Variants in EYS observed in about 807,000 individuals in gnomAD.
EYS encodes EGF-like photoreceptor maintenance factor, also known as protein eyes shut homolog.
Under a neutral mutation model 282.1 loss-of-function variants are expected in EYS, and 250 were observed. The observed-to-expected ratio is 0.89, with a 90% confidence interval of 0.80 to 0.98. The LOEUF (loss-of-function observed/expected upper bound fraction) is 0.98. Ranked by LOEUF, EYS falls within the 50% of genes least tolerant of loss-of-function variation. The pLI is 0.00. For missense variants in EYS, 4,016 were observed against 3,709.0 expected (o/e 1.08, Z -2.15); for synonymous variants, 1,355 against 1,282.9 (o/e 1.06, Z -1.20).
At chr6:63,848,928 C>T (rs1183079961) in intron 36 of EYS, among the ~76,000 whole-genome samples, 1 of 152,196 alleles carries the variant, frequency 6.6e-6, no homozygotes, top group Non-Finnish European at 1.5e-5. Flanking sequence ...AGCTAAGATC[C>T]ACTGGCTTGA....
chr6:65,289,398 A>T (rs1248873001), intron 12 of EYS, among the ~76,000 whole-genome samples: 1 of 150,990 alleles, frequency 6.6e-6, no homozygotes, highest in African/African-American at 2.4e-5. Flanking sequence ...ATTTAGCTAC[A>T]CTTTAAAACC....
At chr6:64,955,361 T>C (rs1324896382) in intron 14 of EYS, among the ~76,000 whole-genome samples, 5 of 152,080 alleles carry the variant, frequency 3.3e-5, no homozygotes, top group African/African-American at 1.2e-4. Context: ...TCCATATTCA[T>C]GGATTAGAAG....
chr6:63,852,182 A>AAAT (rs1562060373), intron 36 of EYS, among the ~76,000 whole-genome samples: 2 of 143,042 alleles, frequency 1.4e-5, no homozygotes, highest in African/African-American at 5.2e-5. Flanking sequence ...AAAAAAAAAA[A>AAAT]ATCAATGAAT....
At chr6:65,330,513 A>G (rs1769755711) in intron 11 of EYS, 1 of 984,186 alleles carries the variant, frequency 1.0e-6, no homozygotes, top group African/African-American at 1.8e-5. Context: ...ACCCCCAGAA[A>G]AATTTTTTGA....
At chr6:64,663,574 A>G (rs926443106) in intron 22 of EYS, among the ~76,000 whole-genome samples, 3 of 152,158 alleles carry the variant, frequency 2.0e-5, no homozygotes, top group Non-Finnish European at 4.4e-5. Flanking sequence ...ATGTATTACC[A>G]ATGTCCATAT....
chr6:65,495,251 A>T lies in EYS; in HGVS notation c.160T>A (p.Tyr54Asn), dbSNP rs1394979892. The change falls in exon 4 of 43, where the codon TAC becomes AAC. Residue 54 changes from tyrosine (Y) to asparagine (N), a missense_variant. Physicochemically the swap from Tyr to Asn is moderately radical, Grantham distance 143. Coordinates refer to ENST00000503581, the MANE Select transcript of EYS (RefSeq NM_001142800.2). ...TLTENICLDF[Y>N]RDCWFLGVNT... ...ACACCCAAAAACCAGCAATCTCTGT[A>T]GAAGTCCAAGCAGATGTTTTCTGTT... 1 of 1,614,176 alleles carries T rather than the reference A, an allele frequency of 6.2e-7. No individual in the cohort carries two copies.
intron 31 of EYS, among the ~76,000 whole-genome samples, chr6:64,088,082 T>A (rs1772220349): frequency 6.6e-6 from 1 of 152,074 alleles, no homozygotes; most frequent in Non-Finnish European, 1.5e-5. Context: ...AAACATTTGC[T>A]ATTGAATTGC....
intron 18 of EYS, among the ~76,000 whole-genome samples, chr6:64,891,662 G>C (rs1379051694): frequency 6.6e-6 from 1 of 152,030 alleles, no homozygotes; most frequent in Non-Finnish European, 1.5e-5. Flanking sequence ...AATAAGGCTA[G>C]AGAAAAATTA....
intron 40 of EYS, among the ~76,000 whole-genome samples, chr6:63,768,906 T>A (rs1274675559): frequency 1.3e-5 from 2 of 152,016 alleles, no homozygotes; most frequent in Non-Finnish European, 2.9e-5. Context: ...AAAAATGAAA[T>A]CATGTCCTTT....
chr6:65,447,358 ATAGT>A (rs1187447668), intron 5 of EYS, among the ~76,000 whole-genome samples: 14 of 140,686 alleles, frequency 1.0e-4, no homozygotes, highest in East Asian at 2.1e-4. Flanking sequence ...ATATATGTAT[ATAGT>A]TATATATATA....
intron 24 of EYS, among the ~76,000 whole-genome samples, chr6:64,594,092 TA>T (rs1766496244): frequency 6.6e-6 from 1 of 152,204 alleles, no homozygotes; most frequent in Non-Finnish European, 1.5e-5. Flanking sequence ...TGTTAAATAT[TA>T]CATCTAATTT....
At chr6:65,537,849 G>T (rs1768019207) in intron 2 of EYS, among the ~76,000 whole-genome samples, 1 of 152,200 alleles carries the variant, frequency 6.6e-6, no homozygotes, top group African/African-American at 2.4e-5. Context: ...TATGAAGACA[G>T]ATTGGACTTT....
intron 22 of EYS, among the ~76,000 whole-genome samples, chr6:64,804,281 T>A (rs1476697387): frequency 2.0e-5 from 3 of 152,242 alleles, no homozygotes; most frequent in Non-Finnish European, 4.4e-5. Context: ...TATTAAAGAT[T>A]AACTTTGATA....
chr6:65,107,314 G>A (rs1360583329), intron 12 of EYS, among the ~76,000 whole-genome samples: 2 of 142,484 alleles, frequency 1.4e-5, no homozygotes, highest in Non-Finnish European at 3.1e-5. Flanking sequence ...TTTTTTTAAT[G>A]TAAACACCTG....
At chr6:63,883,941 T>C (rs191173543) in intron 35 of EYS, among the ~76,000 whole-genome samples, 1 of 152,336 alleles carries the variant, frequency 6.6e-6, no homozygotes, top group East Asian at 1.9e-4. Flanking sequence ...ACTACTTCAT[T>C]ACGTAACTCT....
At chr6:63,964,518 G>T (rs1029298349) in intron 35 of EYS, among the ~76,000 whole-genome samples, 10 of 152,090 alleles carry the variant, frequency 6.6e-5, no homozygotes, top group African/African-American at 2.4e-4. Flanking sequence ...TTTCTGCCTT[G>T]TCTTTTGCCT....
intron 22 of EYS, among the ~76,000 whole-genome samples, chr6:64,643,247 T>C (rs1768235610): frequency 6.6e-6 from 1 of 152,210 alleles, no homozygotes; most frequent in Non-Finnish European, 1.5e-5. Context: ...AATTGGCATC[T>C]AAATTTAGAT....
chr6:64,266,806 G>T (rs977894172), intron 30 of EYS, among the ~76,000 whole-genome samples: 1 of 152,098 alleles, frequency 6.6e-6, no homozygotes, highest in Non-Finnish European at 1.5e-5. Context: ...CAGGCACTGG[G>T]GTGTTTGGTA....
At chr6:65,482,789 A>G (rs1406530148) in intron 5 of EYS, among the ~76,000 whole-genome samples, 1 of 152,176 alleles carries the variant, frequency 6.6e-6, no homozygotes, top group Non-Finnish European at 1.5e-5. Context: ...AACATCACTC[A>G]TCTTGGATTC....
Sources: allele counts gnomAD v4.1 joint callset (sites outside exome capture counted in the v4.1 genomes callset), GRCh38; gene constraint gnomAD v4.1.1; transcripts MANE v1.5; gene names NCBI Gene and HGNC (gene_info 2026-07-23, HGNC 2026-07-21).